The following TBL1XR1 variants were observed in gnomAD, a reference collection of about 807,000 sequenced individuals.
The protein encoded by TBL1XR1 is F-box-like/WD repeat-containing protein TBL1XR1.
TBL1XR1 carries 5 observed loss-of-function variants against 66.9 expected under a neutral mutation model. The observed-to-expected ratio is 0.07, with a 90% confidence interval of 0.04 to 0.16. The LOEUF (loss-of-function observed/expected upper bound fraction) is 0.16. Among genes scored for constraint, TBL1XR1 ranks in the 10% least tolerant of loss-of-function variants. The pLI, the probability that TBL1XR1 is intolerant of heterozygous loss-of-function variation, is 1.00. For synonymous variants in TBL1XR1, 210 were observed against 206.0 expected (o/e 1.02, Z -0.17); for missense variants, 238 against 623.2 (o/e 0.38, Z 6.58).
chr3:177,132,830 TCA>T (rs1190464729), intron 1 of TBL1XR1, among the ~76,000 whole-genome samples: 2 of 152,186 alleles, frequency 1.3e-5, no homozygotes, highest in African/African-American at 4.8e-5. Flanking sequence ...CAGGGGCAGA[TCA>T]CAGAGAGCCT....
chr3:177,082,738 T>TATATATATATATATATATA (rs1721561508), intron 2 of TBL1XR1, among the ~76,000 whole-genome samples: 1 of 63,234 alleles, frequency 1.6e-5, no homozygotes, highest in African/African-American at 6.4e-5. Flanking sequence ...AAGATAGAGA[T>TATATATATATATATATATA]TATATATATA....
chr3:177,100,126 C>T (rs1380220309), intron 1 of TBL1XR1, among the ~76,000 whole-genome samples: 2 of 152,102 alleles, frequency 1.3e-5, no homozygotes, highest in African/African-American at 4.8e-5. Flanking sequence ...GTGGTCCTAG[C>T]TACTCGGGAG....
chr3:177,050,644 T>C (rs1560117275), intron 5 of TBL1XR1, 34 bp from the exon 6 acceptor site: 2 of 1,612,446 alleles, frequency 1.2e-6, no homozygotes, highest in Non-Finnish European at 1.7e-6. Flanking sequence ...CATTTCCAGT[T>C]AGGCAGTATT....
chr3:177,145,337 G>T (rs57375213), intron 1 of TBL1XR1, among the ~76,000 whole-genome samples: 8,570 of 152,106 alleles, frequency 0.056, 522 homozygotes, highest in African/African-American at 0.15. Context: ...GCACTGCATT[G>T]TTTTTTTCAG....
At chr3:177,049,903 T>A in intron 7 of TBL1XR1, 94 bp downstream of exon 7, 1 of 1,426,856 alleles carries the variant, frequency 7.0e-7, no homozygotes, top group Non-Finnish European at 9.4e-7. Flanking sequence ...AAACCCCAAA[T>A]TCTGAACAAA....
intron 3 of TBL1XR1, among the ~76,000 whole-genome samples, chr3:177,061,797 G>A (rs1718545468): frequency 6.6e-6 from 1 of 152,148 alleles, no homozygotes; most frequent in Non-Finnish European, 1.5e-5. Flanking sequence ...TGTAGGTTGT[G>A]GTGATAAATA....
At chr3:177,065,468 T>C (rs1168044503) in intron 2 of TBL1XR1, among the ~76,000 whole-genome samples, 1 of 152,196 alleles carries the variant, frequency 6.6e-6, no homozygotes, top group Non-Finnish European at 1.5e-5. Flanking sequence ...CACTCCAGTT[T>C]TATCTATGAA....
At chr3:177,097,979 G>T (rs908752585) in intron 2 of TBL1XR1, among the ~76,000 whole-genome samples, 12 of 152,146 alleles carry the variant, frequency 7.9e-5, no homozygotes, top group African/African-American at 2.9e-4. Flanking sequence ...AGCTCAGGTG[G>T]GCGGATCACC....
intron 2 of TBL1XR1, among the ~76,000 whole-genome samples, chr3:177,067,697 TTAAG>T (rs1262714030): frequency 6.6e-6 from 1 of 152,236 alleles, no homozygotes; most frequent in Non-Finnish European, 1.5e-5. Flanking sequence ...TTCCCGGCAA[TTAAG>T]TTTTTTTTTT....
rs1007695814 is a variant in TBL1XR1, at chr3:177,024,208, T to C, written c.*1290A>G. On this transcript the variant is annotated 3_prime_UTR_variant, in exon 16 of 16. Coordinates refer to ENST00000457928, the MANE Select transcript of TBL1XR1 (RefSeq NM_024665.7). ...AGCAGGAAGAAGGTTAGTGCAATTA[T>C]ACTTTCATTAAAAAAAATTCTGAAT... 2.6e-5 allele frequency: 4 copies of C among 152,554 alleles called. No homozygotes were observed. The highest frequency in any genetic ancestry group is 2.6e-4 in the Admixed American group (4 of 15,258). 9.5% of individuals were successfully genotyped at this position (152,554 alleles called of 1,614,324 possible).
intron 1 of TBL1XR1, among the ~76,000 whole-genome samples, chr3:177,100,950 G>T (rs13069003): frequency 0.017 from 2,605 of 151,730 alleles, 33 homozygotes; most frequent in Admixed American, 0.05. Flanking sequence ...CCACCTCCCA[G>T]GCTCAAGTGA....
At chr3:177,189,515 C>T (rs534863858) in intron 1 of TBL1XR1, among the ~76,000 whole-genome samples, 4 of 151,836 alleles carry the variant, frequency 2.6e-5, no homozygotes, top group East Asian at 3.9e-4. Flanking sequence ...ATTAGCCAGG[C>T]GTGGTGGCCA....
Position 177,050,504 on chromosome 3 carries a change from G to A in TBL1XR1, c.534C>T (p.Asn178=), listed in dbSNP as rs1716917518. 6 of 1,613,638 alleles carry A rather than the reference G, an allele frequency of 3.7e-6. No individual in the cohort carries two copies. Among genetic ancestry groups the A allele is most frequent in the East Asian group, 2.2e-5 (1 of 44,848 alleles). ...CTGATGCTAGGAGATCACTAACAGGGTTCCAGGCACAGATAAAAACTTCAG... is the reference window on the plus strand; with the variant it reads ...CTGATGCTAGGAGATCACTAACAGGATTCCAGGCACAGATAAAAACTTCAG... ...HESEVFICAW[N]PVSDLLASGS... The change falls in exon 6 of 16, where the codon AAC becomes AAT. Residue 178 remains asparagine, a synonymous_variant. Transcript: ENST00000457928.
At chr3:177,038,040 C>G in intron 12 of TBL1XR1, 58 bp downstream of exon 12, 1 of 1,502,384 alleles carries the variant, frequency 6.7e-7, no homozygotes, top group Admixed American at 1.7e-5. Context: ...CTTAAAATGG[C>G]CAGAGCAACC....
At chr3:177,041,757 G>A (rs1431390388) in intron 10 of TBL1XR1, among the ~76,000 whole-genome samples, 1 of 152,158 alleles carries the variant, frequency 6.6e-6, no homozygotes, top group Non-Finnish European at 1.5e-5. Context: ...TATGTCCCGG[G>A]TTCCTGTGCC....
intron 1 of TBL1XR1, among the ~76,000 whole-genome samples, chr3:177,119,097 G>A (rs1370674709): frequency 2.6e-5 from 4 of 151,916 alleles, no homozygotes; most frequent in African/African-American, 7.3e-5. Context: ...TCAGCATCAC[G>A]GGTAGCTGGG....
chr3:177,104,825 A>G lies in TBL1XR1; in HGVS notation c.-121-6284T>C, dbSNP rs1724671123. ...ACATGTCATTGAATTTTATGTTAAG[A>G]TTATACAAAAATAAACTATTGTGCA... is the stretch of plus-strand genomic sequence containing the variant. On this transcript the variant is annotated intron_variant, in intron 1 of 15. Coordinates refer to ENST00000457928, the MANE Select transcript of TBL1XR1 (RefSeq NM_024665.7). 2.0e-5 allele frequency among the ~76,000 whole-genome samples: 3 copies of G among 152,354 alleles called. 1 individual carries two copies. Among genetic ancestry groups the G allele is most frequent in the Middle Eastern group, 6.8e-3 (2 of 294 alleles).
upstream of TBL1XR1, among the ~76,000 whole-genome samples, chr3:177,200,817 C>T (rs1577476765): frequency 6.6e-6 from 1 of 152,080 alleles, no homozygotes; most frequent in African/African-American, 2.4e-5. Flanking sequence ...ACCAGCCTGG[C>T]CAACATGGTG....
chr3:177,106,626 T>TA (rs2108698678), intron 1 of TBL1XR1, among the ~76,000 whole-genome samples: 1 of 152,276 alleles, frequency 6.6e-6, no homozygotes, highest in East Asian at 1.9e-4. Context: ...TAAAATAAGT[T>TA]AGGAGAGTGG....
Sources: gnomAD v4.1 joint callset for allele counts (sites outside exome capture counted in the v4.1 genomes callset) on GRCh38, gnomAD v4.1.1 for gene constraint, MANE v1.5 for transcripts, NCBI Gene and HGNC (gene_info 2026-07-23, HGNC 2026-07-21) for gene names.